ALPL: variants seen among roughly 807,000 people sequenced by gnomAD.
ALPL encodes the protein alkaline phosphatase, tissue-nonspecific isozyme.
A neutral mutation model predicts 51.3 loss-of-function variants in ALPL; 42 were observed. That is an observed-to-expected ratio of 0.82 (90% CI 0.64 to 1.06). The LOEUF is 1.06. Among genes scored for constraint, ALPL ranks in the 50% least tolerant of loss-of-function variants. The pLI, the probability that ALPL is intolerant of heterozygous loss-of-function variation, is 0.00. For missense variants in ALPL, 589 were observed against 709.4 expected (o/e 0.83, Z 1.93); for synonymous variants, 279 against 296.4 (o/e 0.94, Z 0.60).
rs566317085 is a variant in ALPL at position 21,568,117 on chromosome 1, G to T, written c.662G>T (p.Gly221Val). The T allele has an allele frequency of 1.2e-6, 2 of 1,613,992 alleles. No individual in the cohort carries two copies. Among genetic ancestry groups the T allele is most frequent in the African/African-American group, 1.3e-5 (1 of 74,908 alleles). Reference sequence around the variant, plus strand: ...TGTCTCTTTTAGGTGATCATGGGGGGTGGCCGGAAATACATGTACCCCAAG... The same window carrying T: ...TGTCTCTTTTAGGTGATCATGGGGGTTGGCCGGAAATACATGTACCCCAAG... ...NIRDIDVIMG[G>V]GRKYMYPKNK... Residue 221 changes from glycine to valine, a missense_variant, in exon 7 of 12, where the codon GGT becomes GTT. Physicochemically the swap from Gly to Val is moderately radical, Grantham distance 109. Coordinates refer to ENST00000374840, the MANE Select transcript of ALPL (RefSeq NM_000478.6).
At chr1:21,553,014 A>T (rs1644353063) in intron 1 of ALPL, among the ~76,000 whole-genome samples, 1 of 152,174 alleles carries the variant, frequency 6.6e-6, no homozygotes, top group Non-Finnish European at 1.5e-5. Context: ...ACCACAGTGT[A>T]AAAACATTCT....
rs1192538449 is a variant in ALPL, at chr1:21,554,807, GTCTGTCTGTCTTTCTTTCTTTCTT to G, written c.61+669_61+692del. Among the ~76,000 whole-genome samples the G allele has an allele frequency of 2.5e-4, 7 of 28,206 alleles. 1 individual carries two copies. Among genetic ancestry groups the G allele is most frequent in the African/African-American group, 3.9e-4 (4 of 10,332 alleles). The allele number at this position is 28,206 out of a possible 152,430, so 18.5% of individuals were successfully genotyped here. A position where few individuals can be genotyped will look rare whatever the true frequency, so the allele number is the denominator to read the frequency against. On this transcript the variant is annotated intron_variant, in intron 2 of 11. Transcript: ENST00000374840. The stretch of plus-strand genomic sequence containing the variant: ...GCCTGGCCTGTCTGTCTGTCTGTCT[GTCTGTCTGTCTTTCTTTCTTTCTT>G]TCTTTCTTTCTTTCTTTCTTTCTTT...
At position 21,561,158 on chromosome 1, in the gene ALPL, T is replaced by C; in HGVS notation, c.243T>C (p.Pro81=). 6.2e-7 allele frequency: 1 copy of C among 1,613,650 alleles called. No homozygotes were observed. The highest frequency in any genetic ancestry group is 1.1e-5 in the South Asian group (1 of 90,942). ...RILKGQLHHN[P]GEETRLEMDK... is the part of the protein sequence containing the mutation. ...TCAAGGGTCAGCTCCACCACAACCCTGGGGAGGAGACCAGGCTGGAGATGG... is the reference window on the plus strand; with the variant it reads ...TCAAGGGTCAGCTCCACCACAACCCCGGGGAGGAGACCAGGCTGGAGATGG... Residue 81 remains proline (P), a synonymous_variant, in exon 4 of 12, where the codon CCT becomes CCC. Transcript: ENST00000374840.
chr1:21,533,742 GAAAC>G (rs1205851440), intron 1 of ALPL, among the ~76,000 whole-genome samples: 2 of 152,042 alleles, frequency 1.3e-5, no homozygotes, highest in African/African-American at 4.8e-5. Context: ...CCAACATGGT[GAAAC>G]CGCCCATCTC....
At chr1:21,575,701 C>T in intron 9 of ALPL, 32 bp from the exon 10 acceptor site, 1 of 1,612,998 alleles carries the variant, frequency 6.2e-7, no homozygotes. Context: ...TCCCCTCCTC[C>T]CTCACCGAGG....
At chr1:21,513,632 G>A (rs1643734560) in intron 1 of ALPL, among the ~76,000 whole-genome samples, 1 of 152,208 alleles carries the variant, frequency 6.6e-6, no homozygotes, top group Admixed American at 6.5e-5. Context: ...ATAGCCTGCT[G>A]TGTGCTGGGT....
At chr1:21,532,422 C>A (rs980463595) in intron 1 of ALPL, among the ~76,000 whole-genome samples, 3 of 152,096 alleles carry the variant, frequency 2.0e-5, no homozygotes, top group Non-Finnish European at 4.4e-5. Context: ...AACTCCTGAC[C>A]TCATGTGATC....
Position 21,554,078 on chromosome 1 carries a change from C to A in ALPL, c.-4C>A. 1 of 1,456,266 alleles carries A rather than the reference C, an allele frequency of 6.9e-7. No individual in the cohort carries two copies. 90.2% of individuals were successfully genotyped at this position (1,456,266 alleles called of 1,614,324 possible). A position where few individuals can be genotyped will look rare whatever the true frequency, so the allele number is the denominator to read the frequency against. On this transcript the variant is annotated 5_prime_UTR_variant, in exon 2 of 12. Coordinates refer to ENST00000374840, the MANE Select transcript of ALPL (RefSeq NM_000478.6). ...CAGGGATAAAGCAGGTCTTGGGGTG[C>A]ACCATGATTTCACCATTCTTAGTAC...
intron 1 of ALPL, among the ~76,000 whole-genome samples, chr1:21,526,617 G>A (rs1643946909): frequency 6.6e-6 from 1 of 151,910 alleles, no homozygotes; most frequent in Admixed American, 6.6e-5. Flanking sequence ...ACTTGTAAAC[G>A]CTTAGCTTCT....
intron 6 of ALPL, among the ~76,000 whole-genome samples, chr1:21,565,552 G>T (rs1014100371): frequency 1.3e-5 from 2 of 151,054 alleles, no homozygotes; most frequent in Non-Finnish European, 2.9e-5. Context: ...CTGAGCAGGG[G>T]ACAGGAACTT....
At position 21,577,519 on chromosome 1, in the gene ALPL, C is replaced by T. The variant is rs747980975; in HGVS notation, c.1446C>T (p.His482=). ...TCCACGAGCAGAACTACGTCCCCCA[C>T]GTGATGGCGTATGCAGCCTGCATCG... is the stretch of plus-strand genomic sequence containing the variant. ...HGVHEQNYVP[H]VMAYAACIGA... is the part of the protein sequence containing the mutation. Residue 482 remains histidine (H), a synonymous_variant, in exon 12 of 12, where the codon CAC becomes CAT. Coordinates refer to ENST00000374840, the MANE Select transcript of ALPL (RefSeq NM_000478.6). 2.3e-5 allele frequency: 37 copies of T among 1,607,826 alleles called. No homozygotes were observed. The highest frequency in any genetic ancestry group is 8.0e-5 in the African/African-American group (6 of 74,924).
chr1:21,520,738 G>A (rs1015539352), intron 1 of ALPL, among the ~76,000 whole-genome samples: 3 of 152,130 alleles, frequency 2.0e-5, no homozygotes, highest in East Asian at 3.9e-4. Context: ...TGGGAGCCAC[G>A]GTGCCCGGCC....
intron 1 of ALPL, among the ~76,000 whole-genome samples, chr1:21,536,890 CCT>C: frequency 7.9e-6 from 1 of 127,208 alleles, no homozygotes; most frequent in South Asian, 2.7e-4. Context: ...AGGTTCCTTC[CCT>C]TTTTTTTTTT....
chr1:21,538,644 TG>T (rs1288164851), intron 1 of ALPL, among the ~76,000 whole-genome samples: 1 of 149,598 alleles, frequency 6.7e-6, no homozygotes, highest in Non-Finnish European at 1.5e-5. Flanking sequence ...GGGAGGGGAG[TG>T]GGGAGAGCCG....
At chr1:21,529,093 A>T (rs1410620432) in intron 1 of ALPL, among the ~76,000 whole-genome samples, 1 of 151,556 alleles carries the variant, frequency 6.6e-6, no homozygotes, top group Non-Finnish European at 1.5e-5. Flanking sequence ...AGAAAATATT[A>T]TGGAGTCAGT....
chr1:21,554,795 GT>G, intron 2 of ALPL, among the ~76,000 whole-genome samples: 1 of 38,976 alleles, frequency 2.6e-5, no homozygotes, highest in Non-Finnish European at 5.0e-5. Flanking sequence ...TGGCCTGTCT[GT>G]CTGTCTGTCT....
At position 21,564,868 on chromosome 1, in the gene ALPL, T is replaced by TA. The variant is rs1033365487; in HGVS notation, c.648+653dup. 1.3e-5 allele frequency among the ~76,000 whole-genome samples: 2 copies of TA among 152,162 alleles called. No homozygotes were observed. The highest frequency in any genetic ancestry group is 4.8e-5 in the African/African-American group (2 of 41,412). Reference sequence around the variant, plus strand: ...CGAGTGCCCAGAAGGTGGTGGCACTTACGCAGGAGCCACATGTCCTTGCCC... The same window carrying TA: ...CGAGTGCCCAGAAGGTGGTGGCACTTAACGCAGGAGCCACATGTCCTTGCCC... On this transcript the variant is annotated intron_variant, in intron 6 of 11. Transcript: ENST00000374840. The surrounding 1 kb of genome is among the most constrained non-coding windows in gnomAD (Gnocchi z 5.8).
chr1:21,553,793 T>G (rs751941593), intron 1 of ALPL, among the ~76,000 whole-genome samples, 185 bp from the exon 2 acceptor site: 4 of 152,210 alleles, frequency 2.6e-5, no homozygotes, highest in Non-Finnish European at 5.9e-5. Flanking sequence ...CAGCTGTTTG[T>G]GTGGTTAAGC....
At chr1:21,522,581 C>T (rs990480774) in intron 1 of ALPL, among the ~76,000 whole-genome samples, 3 of 152,182 alleles carry the variant, frequency 2.0e-5, no homozygotes, top group Non-Finnish European at 4.4e-5. Context: ...CTACCAGCCT[C>T]CTCCCATAAC....
Sources: allele counts gnomAD v4.1 joint callset (sites outside exome capture counted in the v4.1 genomes callset), GRCh38; gene constraint gnomAD v4.1.1; non-coding constraint Gnocchi (gnomAD v3.1); transcripts MANE v1.5; gene names NCBI Gene and HGNC (gene_info 2026-07-23, HGNC 2026-07-21).